Variants in KIZ observed in about 807,000 individuals in gnomAD.
KIZ encodes kizuna centrosomal protein.
KIZ carries 68 observed loss-of-function variants against 79.6 expected under a neutral mutation model. The ratio of observed to expected loss-of-function variants is 0.85; its 90% CI spans 0.70 to 1.05. The LOEUF (loss-of-function observed/expected upper bound fraction) is 1.05, where lower values mean the gene tolerates loss of function less well. Among genes scored for constraint, KIZ ranks in the 50% least tolerant of loss-of-function variants. The pLI, the probability that KIZ is intolerant of heterozygous loss-of-function variation, is 0.00. For synonymous variants in KIZ, 280 were observed against 281.8 expected (o/e 0.99, Z 0.06); for missense variants, 797 against 800.4 (o/e 1.00, Z 0.05).
At chr20:21,179,990 T>C (rs1568950725) in intron 6 of KIZ, among the ~76,000 whole-genome samples, 2 of 152,224 alleles carry the variant, frequency 1.3e-5, no homozygotes, top group Admixed American at 1.3e-4. Flanking sequence ...TGATCTGTTC[T>C]AGAGAATGTT....
chr20:21,186,493 T>TTCC lies in KIZ; in HGVS notation c.1353-18998_1353-18997insTCC, dbSNP rs2034880444. Among the ~76,000 whole-genome samples, 4 of 150,970 alleles carry TTCC rather than the reference T, an allele frequency of 2.6e-5. No homozygotes were observed. The South Asian group carries it at 8.4e-4, about 32-fold the overall frequency. On this transcript the variant is annotated intron_variant, in intron 6 of 12. Transcript: ENST00000619189. Reference sequence around the variant, plus strand: ...TAAACTCTGACACTGACAAAAGAGGTCATTGCATCTGGTTCCCAGCTACTT... The same window carrying TTCC: ...TAAACTCTGACACTGACAAAAGAGGTTCCCATTGCATCTGGTTCCCAGCTACTT...
chr20:21,170,730 TG>T (rs2034168506), intron 6 of KIZ, among the ~76,000 whole-genome samples: 1 of 152,152 alleles, frequency 6.6e-6, no homozygotes, highest in Non-Finnish European at 1.5e-5. Flanking sequence ...CTTATCTTTT[TG>T]TATCCGTTAA....
chr20:21,144,537 T>C (rs2032745173), intron 3 of KIZ, among the ~76,000 whole-genome samples: 1 of 152,148 alleles, frequency 6.6e-6, no homozygotes. Flanking sequence ...TTCATTTAAT[T>C]GGGTATCTAT....
intron 12 of KIZ, chr20:21,244,736 C>G (rs1237248353): frequency 1.8e-5 from 3 of 163,470 alleles, no homozygotes; most frequent in Non-Finnish European, 3.9e-5. Context: ...CACCAGCCTC[C>G]AAACCCTGGC....
intron 3 of KIZ, chr20:21,139,176 A>G (rs1030040472): frequency 6.9e-6 from 1 of 145,980 alleles, no homozygotes; most frequent in Non-Finnish European, 1.5e-5. Flanking sequence ...TTATCGTCTT[A>G]TATTTGGCCA....
intron 6 of KIZ, among the ~76,000 whole-genome samples, chr20:21,186,760 C>T (rs574908018): frequency 6.6e-6 from 1 of 152,018 alleles, no homozygotes; most frequent in South Asian, 2.1e-4. Flanking sequence ...AACAGGCTGT[C>T]CTAGGAGAGC....
At chr20:21,243,042 T>G (rs189397971) in intron 11 of KIZ, among the ~76,000 whole-genome samples, 1 of 152,218 alleles carries the variant, frequency 6.6e-6, no homozygotes, top group Admixed American at 6.5e-5. Context: ...GCAGTTGCAT[T>G]TAGTGTGTGT....
chr20:21,152,978 A>G (rs1295516574), intron 4 of KIZ, among the ~76,000 whole-genome samples: 1 of 152,206 alleles, frequency 6.6e-6, no homozygotes, highest in Admixed American at 6.5e-5. Flanking sequence ...GCTGTGGTTC[A>G]GTAATGCAAT....
intron 6 of KIZ, among the ~76,000 whole-genome samples, chr20:21,188,767 TG>T: frequency 6.6e-6 from 1 of 152,014 alleles, no homozygotes; most frequent in African/African-American, 2.4e-5. Context: ...TGGCACGATC[TG>T]GGCTCACTGC....
intron 7 of KIZ, among the ~76,000 whole-genome samples, chr20:21,208,116 G>A (rs1426425608): frequency 6.6e-6 from 1 of 152,178 alleles, no homozygotes; most frequent in Non-Finnish European, 1.5e-5. Flanking sequence ...TTCACTGCAA[G>A]TACATCACAT....
chr20:21,196,588 A>G (rs2035353064), intron 6 of KIZ: 1 of 152,260 alleles, frequency 6.6e-6, no homozygotes, highest in Admixed American at 6.5e-5. Flanking sequence ...TGCCTAGGCA[A>G]TAAGAGGTAT....
intron 2 of KIZ, 105 bp downstream of exon 2, chr20:21,132,264 T>C: frequency 1.6e-6 from 1 of 613,142 alleles, no homozygotes; most frequent in Non-Finnish European, 2.8e-6. Flanking sequence ...GTACTGGGTT[T>C]TTGGTTTTGT....
chr20:21,199,193 C>T (rs1162750905), intron 6 of KIZ, among the ~76,000 whole-genome samples: 7 of 152,084 alleles, frequency 4.6e-5, no homozygotes, highest in Admixed American at 2.0e-4. Flanking sequence ...ACTAGACTAA[C>T]GATTGTTAGA....
At chr20:21,236,231 C>T (rs1210180082) in intron 11 of KIZ, among the ~76,000 whole-genome samples, 1 of 152,182 alleles carries the variant, frequency 6.6e-6, no homozygotes, top group Non-Finnish European at 1.5e-5. Flanking sequence ...CATCAGGGGG[C>T]GCTCAGACTT....
intron 3 of KIZ, among the ~76,000 whole-genome samples, chr20:21,137,323 A>G (rs2032250796): frequency 6.6e-6 from 1 of 152,004 alleles, no homozygotes; most frequent in African/African-American, 2.4e-5. Flanking sequence ...TGCTCCACAA[A>G]TTATGCCAAG....
At chr20:21,225,067 A>C (rs2036616916) in intron 9 of KIZ, among the ~76,000 whole-genome samples, 1 of 152,210 alleles carries the variant, frequency 6.6e-6, no homozygotes, top group African/African-American at 2.4e-5. Context: ...TTATGTAACA[A>C]AGTAAGGGAA....
At chr20:21,194,942 C>T (rs965552830) in intron 6 of KIZ, 6 of 152,124 alleles carry the variant, frequency 3.9e-5, no homozygotes, top group African/African-American at 1.4e-4. Flanking sequence ...GTATGCTCAG[C>T]ATTGTGCCGA....
At chr20:21,126,467 G>A (rs911826742) in intron 1 of KIZ, among the ~76,000 whole-genome samples, 1 of 152,118 alleles carries the variant, frequency 6.6e-6, no homozygotes, top group Non-Finnish European at 1.5e-5. Flanking sequence ...TTGAGGATGC[G>A]GCCGCGTCAC....
At chr20:21,218,283 C>T (rs1267708692) in intron 9 of KIZ, 1 of 152,150 alleles carries the variant, frequency 6.6e-6, no homozygotes, top group Non-Finnish European at 1.5e-5. Flanking sequence ...AAGGCCCAGA[C>T]ATCTCTGTCT....
Sources: allele counts gnomAD v4.1 joint callset (sites outside exome capture counted in the v4.1 genomes callset), GRCh38; gene constraint gnomAD v4.1.1; transcripts MANE v1.5; gene names NCBI Gene and HGNC (gene_info 2026-07-23, HGNC 2026-07-21).